Variants in UNC5C observed in about 807,000 individuals in gnomAD.
UNC5C encodes the protein netrin receptor UNC5C.
Under a neutral mutation model 99.8 loss-of-function variants are expected in UNC5C, and 47 were observed. The observed-to-expected ratio is 0.47, with a 90% CI of 0.37 to 0.60. The LOEUF is 0.60. UNC5C is among the 20% of genes least tolerant of loss of function. The probability of loss-of-function intolerance (pLI) is 0.00; values close to 1 mark genes in which losing one functional copy is unlikely to be tolerated. For synonymous variants in UNC5C, 487 were observed against 452.2 expected (o/e 1.08, Z -0.98); for missense variants, 1,062 against 1,165.9 (o/e 0.91, Z 1.30).
intron 1 of UNC5C, among the ~76,000 whole-genome samples, chr4:95,354,409 C>T (rs1399710867): frequency 7.3e-5 from 11 of 150,120 alleles, no homozygotes; most frequent in East Asian, 1.9e-4. Flanking sequence ...GCACACAACA[C>T]GCAGTTTCTA....
chr4:95,544,028 T>C (rs906620635), intron 1 of UNC5C, among the ~76,000 whole-genome samples: 1 of 152,212 alleles, frequency 6.6e-6, no homozygotes, highest in Admixed American at 6.5e-5. Flanking sequence ...CTTTAGTTTC[T>C]TTTACATCTA....
intron 13 of UNC5C, among the ~76,000 whole-genome samples, chr4:95,184,592 G>T (rs17023145): frequency 6.6e-6 from 1 of 152,088 alleles, no homozygotes; most frequent in Non-Finnish European, 1.5e-5. Flanking sequence ...TATCCTGATT[G>T]GGTTTTACTT....
At chr4:95,294,214 C>A (rs904063146) in intron 3 of UNC5C, among the ~76,000 whole-genome samples, 1 of 152,126 alleles carries the variant, frequency 6.6e-6, no homozygotes, top group African/African-American at 2.4e-5. Flanking sequence ...TTGTGGCTGG[C>A]ATATTTCTAT....
At chr4:95,211,223 G>C (rs555644453) in intron 10 of UNC5C, among the ~76,000 whole-genome samples, 1 of 152,268 alleles carries the variant, frequency 6.6e-6, no homozygotes, top group South Asian at 2.1e-4. Flanking sequence ...AGGCTCAGCT[G>C]CCTTTTAAAG....
At chr4:95,183,887 C>T (rs1032985524) in intron 13 of UNC5C, among the ~76,000 whole-genome samples, 3 of 152,162 alleles carry the variant, frequency 2.0e-5, no homozygotes, top group East Asian at 1.9e-4. Flanking sequence ...GCTTCTCATT[C>T]GTAGGTCTGC....
At chr4:95,386,712 G>A (rs562274119) in intron 1 of UNC5C, among the ~76,000 whole-genome samples, 2 of 152,266 alleles carry the variant, frequency 1.3e-5, no homozygotes, top group African/African-American at 4.8e-5. Context: ...AATGTTGATA[G>A]CAGGAGACAC....
intron 1 of UNC5C, among the ~76,000 whole-genome samples, chr4:95,395,951 G>A (rs1235961068): frequency 6.6e-6 from 1 of 152,208 alleles, no homozygotes; most frequent in Non-Finnish European, 1.5e-5. Flanking sequence ...ACACAGATGG[G>A]CAGCTTTCAG....
chr4:95,321,747 A>C (rs1742700523), intron 2 of UNC5C, among the ~76,000 whole-genome samples: 1 of 152,240 alleles, frequency 6.6e-6, no homozygotes, highest in Admixed American at 6.5e-5. Context: ...TTGCAAAGTA[A>C]AGGTGAGAAA....
rs558623133 is a variant in UNC5C at position 95,461,182 on chromosome 4, C to G, written c.124+87552G>C. 2.6e-4 allele frequency among the ~76,000 whole-genome samples: 39 copies of G among 152,262 alleles called. No individual in the cohort carries two copies. In the South Asian group the frequency reaches 7.9e-3, roughly 31 times the overall value. ...TCAGAAAGACTTGAAGGGAAGACTT[C>G]TTAATGCAAAGTATCTTTTTCCTCC... is the stretch of plus-strand genomic sequence containing the variant. On this transcript the variant is annotated intron_variant, in intron 1 of 15. Coordinates refer to ENST00000453304, the MANE Select transcript of UNC5C (RefSeq NM_003728.4).
intron 3 of UNC5C, among the ~76,000 whole-genome samples, chr4:95,283,495 G>A (rs1741131714): frequency 6.6e-6 from 1 of 152,148 alleles, no homozygotes; most frequent in African/African-American, 2.4e-5. Context: ...CACAGAAGCC[G>A]CTCATTTCAG....
intron 7 of UNC5C, among the ~76,000 whole-genome samples, chr4:95,237,826 G>A (rs541372828): frequency 4.6e-5 from 7 of 152,182 alleles, no homozygotes; most frequent in Middle Eastern, 3.4e-3. Context: ...GGCAGATGAC[G>A]AGATCAGGAG....
At chr4:95,335,385 A>T in intron 2 of UNC5C, 25 bp downstream of exon 2, 1 of 1,586,074 alleles carries the variant, frequency 6.3e-7, no homozygotes, top group Non-Finnish European at 8.6e-7. Flanking sequence ...CTTGAAGTGC[A>T]ATGCAAATGC....
intron 1 of UNC5C, among the ~76,000 whole-genome samples, chr4:95,444,563 C>T (rs1747041001): frequency 1.3e-5 from 2 of 152,138 alleles, no homozygotes; most frequent in Admixed American, 1.3e-4. Flanking sequence ...GATCTCCTGA[C>T]CTCGTGATCC....
At chr4:95,502,557 G>A (rs1343672615) in intron 1 of UNC5C, among the ~76,000 whole-genome samples, 1 of 152,144 alleles carries the variant, frequency 6.6e-6, no homozygotes, top group East Asian at 1.9e-4. Flanking sequence ...ATAGGGGTGT[G>A]CTCGGCCAAC....
intron 5 of UNC5C, among the ~76,000 whole-genome samples, chr4:95,249,552 C>G (rs1002167689): frequency 2.0e-5 from 3 of 152,160 alleles, no homozygotes; most frequent in African/African-American, 7.2e-5. Context: ...ATAGACCAGT[C>G]TCTCAGTCTA....
At chr4:95,297,600 T>C (rs1226757161) in intron 3 of UNC5C, among the ~76,000 whole-genome samples, 2 of 152,192 alleles carry the variant, frequency 1.3e-5, no homozygotes, top group Non-Finnish European at 2.9e-5. Flanking sequence ...ATTAGGAGTA[T>C]GGACAAACTG....
rs151206756 is a variant in UNC5C at position 95,399,198 on chromosome 4, A to G, written c.125-63567T>C. 5.7e-3 allele frequency among the ~76,000 whole-genome samples: 874 copies of G among 152,316 alleles called. 11 individuals are homozygous for G. The highest frequency in any genetic ancestry group is 0.019 in the African/African-American group (806 of 41,570). The stretch of plus-strand genomic sequence containing the variant: ...CAATCACTAGTTTTAAAAAGGACAA[A>G]AAAATGACATAGGAAGAAGTATCAT... On this transcript the variant is annotated intron_variant, in intron 1 of 15. Transcript: ENST00000453304.
intron 1 of UNC5C, among the ~76,000 whole-genome samples, chr4:95,357,139 T>TTTG (rs1744235499): frequency 6.6e-6 from 1 of 151,672 alleles, no homozygotes; most frequent in African/African-American, 2.4e-5. Context: ...TTTTTTGTTT[T>TTTG]TTTTTTTATT....
intron 1 of UNC5C, among the ~76,000 whole-genome samples, chr4:95,339,860 T>C (rs1162017632): frequency 6.6e-6 from 1 of 151,258 alleles, no homozygotes; most frequent in African/African-American, 2.5e-5. Flanking sequence ...GTTCTGTACA[T>C]TGAATTCAGT....
Sources: gnomAD v4.1 joint callset for allele counts (sites outside exome capture counted in the v4.1 genomes callset) on GRCh38, gnomAD v4.1.1 for gene constraint, MANE v1.5 for transcripts, NCBI Gene and HGNC (gene_info 2026-07-23, HGNC 2026-07-21) for gene names.